The following FHIT variants were observed in gnomAD, a reference collection of about 807,000 sequenced individuals.
FHIT encodes fragile histidine triad diadenosine triphosphatase, also known as bis(5'-adenosyl)-triphosphatase.
A neutral mutation model predicts 17.9 loss-of-function variants in FHIT; 19 were observed. The ratio of observed to expected loss-of-function variants is 1.06; its 90% CI spans 0.74 to 1.56. The LOEUF is 1.56. FHIT is among the 40% of genes most tolerant of loss of function. The pLI is 0.00. For missense variants in FHIT, 248 were observed against 189.2 expected, an observed-to-expected ratio of 1.31 and a Z score of -1.82; for synonymous variants, 81 against 69.7, an observed-to-expected ratio of 1.16 and a Z score of -0.81.
intron 5 of FHIT, among the ~76,000 whole-genome samples, chr3:60,215,651 A>G (rs6800603): frequency 0.029 from 4,437 of 152,320 alleles, 198 homozygotes; most frequent in African/African-American, 0.094. Context: ...TGAAATATCA[A>G]TGAGTCTGTC....
At chr3:60,475,580 C>A (rs886508622) in intron 5 of FHIT, among the ~76,000 whole-genome samples, 1 of 152,172 alleles carries the variant, frequency 6.6e-6, no homozygotes, top group African/African-American at 2.4e-5. Flanking sequence ...AGGTAGTTTG[C>A]AGAAATTCAC....
intron 3 of FHIT, among the ~76,000 whole-genome samples, chr3:60,929,810 G>A (rs750818743): frequency 3.9e-5 from 6 of 152,224 alleles, no homozygotes; most frequent in Non-Finnish European, 7.4e-5. Context: ...TAGATTCAAC[G>A]CCATCCCCAT....
Position 60,569,755 on chromosome 3 carries a change from A to ATATATATTT in FHIT, c.-17-32777_-17-32776insAAATATATA. Reference sequence around the variant, plus strand: ...TATATATATATATATATATATATATATTTTTTTTTTTTTTAGACAGAGTTT... The same window carrying ATATATATTT: ...TATATATATATATATATATATATATATATATATTTTTTTTTTTTTTTTTAGACAGAGTTT... On this transcript the variant is annotated intron_variant, in intron 4 of 9. Coordinates refer to ENST00000492590, the MANE Select transcript of FHIT (RefSeq NM_002012.4). Among the ~76,000 whole-genome samples the ATATATATTT allele has an allele frequency of 9.4e-3, 725 of 77,306 alleles. 13 individuals carry two copies. Among genetic ancestry groups the ATATATATTT allele is most frequent in the East Asian group, 0.035 (67 of 1,888 alleles). The allele number at this position is 77,306 out of a possible 152,430, so 50.7% of individuals were successfully genotyped here.
At chr3:61,157,563 G>A (rs1200403863) in intron 2 of FHIT, among the ~76,000 whole-genome samples, 2 of 152,112 alleles carry the variant, frequency 1.3e-5, no homozygotes, top group African/African-American at 2.4e-5. Context: ...TAGGGTTTGG[G>A]GAATTGAAAC....
intron 4 of FHIT, among the ~76,000 whole-genome samples, chr3:60,743,744 TG>T (rs1553714499): frequency 2.0e-5 from 3 of 152,068 alleles, no homozygotes; most frequent in African/African-American, 7.2e-5. Context: ...ATGAGGGGCC[TG>T]GAGGAATTAA....
chr3:60,738,708 G>A (rs1290571759), intron 4 of FHIT, among the ~76,000 whole-genome samples: 1 of 152,178 alleles, frequency 6.6e-6, no homozygotes, highest in Non-Finnish European at 1.5e-5. Flanking sequence ...ATAAACACAT[G>A]TGAAATGAAT....
intron 2 of FHIT, among the ~76,000 whole-genome samples, chr3:61,045,351 T>A (rs568075059): frequency 1.3e-5 from 2 of 152,074 alleles, no homozygotes; most frequent in Non-Finnish European, 2.9e-5. Flanking sequence ...TAGTCTCTGA[T>A]AAAACAGACT....
intron 1 of FHIT, among the ~76,000 whole-genome samples, chr3:61,213,832 A>G (rs2039575839): frequency 6.6e-6 from 1 of 152,248 alleles, no homozygotes; most frequent in Admixed American, 6.5e-5. Flanking sequence ...CAATCAAACT[A>G]GAACTCAGGA....
At chr3:60,359,903 G>C (rs777603359) in intron 5 of FHIT, among the ~76,000 whole-genome samples, 1 of 151,208 alleles carries the variant, frequency 6.6e-6, no homozygotes, top group African/African-American at 2.4e-5. Context: ...GGATGTAGCA[G>C]AGATCCTTAA....
intron 4 of FHIT, among the ~76,000 whole-genome samples, chr3:60,705,825 AT>A (rs1472209792): frequency 1.3e-5 from 2 of 152,172 alleles, no homozygotes; most frequent in African/African-American, 4.8e-5. Context: ...TCCACACACC[AT>A]CCCAGCAAGT....
intron 5 of FHIT, among the ~76,000 whole-genome samples, chr3:60,282,454 G>A (rs1423927317): frequency 6.6e-6 from 1 of 152,048 alleles, no homozygotes; most frequent in Non-Finnish European, 1.5e-5. Flanking sequence ...AGTTTCTTAG[G>A]GCAATGTAGA....
At position 60,221,865 on chromosome 3, in the gene FHIT, A is replaced by AT. The variant is rs746196124; in HGVS notation, c.104-207714dup. On this transcript the variant is annotated intron_variant, in intron 5 of 9. Transcript: ENST00000492590. ...CAATTCTCTATCGCTGTCCTATTTA[A>AT]TTTTTTTTTTAATTAGGCCTAGTAG... Among the ~76,000 whole-genome samples the AT allele has an allele frequency of 3.1e-3, 468 of 150,302 alleles. 2 individuals carry two copies. Among genetic ancestry groups the AT allele is most frequent in the African/African-American group, 0.01 (423 of 40,932 alleles).
intron 5 of FHIT, among the ~76,000 whole-genome samples, chr3:60,527,435 T>C (rs989958150): frequency 2.0e-5 from 3 of 152,194 alleles, no homozygotes; most frequent in African/African-American, 7.2e-5. Context: ...AAAAAGAAGT[T>C]CTTGATAACT....
In FHIT at chr3:60,698,434, A is replaced by G. The variant is rs565123410; in HGVS notation, c.-18+123485T>C. Among the ~76,000 whole-genome samples the G allele has an allele frequency of 2.0e-5, 3 of 152,270 alleles. No homozygotes were observed. The South Asian group carries it at 6.2e-4, about 32-fold the overall frequency. On this transcript the variant is annotated intron_variant, in intron 4 of 9. Coordinates refer to ENST00000492590, the MANE Select transcript of FHIT (RefSeq NM_002012.4). ...CGGCTTCTGAGATAAGTGTTTGAGA[A>G]CAAGCTACATGAAGTAATTTACTCC...
intron 2 of FHIT, among the ~76,000 whole-genome samples, chr3:61,144,206 G>A (rs774361580): frequency 1.1e-4 from 16 of 152,010 alleles, no homozygotes; most frequent in East Asian, 3.9e-4. Context: ...CAATTTCCCC[G>A]CTACCCCTGC....
At chr3:60,866,822 C>T (rs781831720) in intron 3 of FHIT, among the ~76,000 whole-genome samples, 1 of 152,190 alleles carries the variant, frequency 6.6e-6, no homozygotes, top group Non-Finnish European at 1.5e-5. Flanking sequence ...GATTCTTGCA[C>T]ACAAGCACCA....
chr3:59,794,305 CA>C (rs1315097599), intron 8 of FHIT, among the ~76,000 whole-genome samples: 1 of 152,136 alleles, frequency 6.6e-6, no homozygotes, highest in East Asian at 1.9e-4. Flanking sequence ...GAAATGGCAC[CA>C]ATTGAAAACG....
chr3:60,506,508 T>G (rs1364711044), intron 5 of FHIT, among the ~76,000 whole-genome samples: 1 of 152,212 alleles, frequency 6.6e-6, no homozygotes, highest in Non-Finnish European at 1.5e-5. Flanking sequence ...GGCACCATTT[T>G]CTTCACAAAT....
At chr3:60,930,639 G>A (rs1451098463) in intron 3 of FHIT, among the ~76,000 whole-genome samples, 6 of 152,324 alleles carry the variant, frequency 3.9e-5, no homozygotes, top group African/African-American at 1.4e-4. Flanking sequence ...GGCCATCAGA[G>A]ACATGCAAAT....
Sources: allele counts gnomAD v4.1 joint callset (sites outside exome capture counted in the v4.1 genomes callset), GRCh38; gene constraint gnomAD v4.1.1; transcripts MANE v1.5; gene names NCBI Gene and HGNC (gene_info 2026-07-23, HGNC 2026-07-21).